Variants in MYO16 observed in about 807,000 individuals in gnomAD.
MYO16 encodes the protein unconventional myosin-XVI.
Under a neutral mutation model 205.3 loss-of-function variants are expected in MYO16, and 94 were observed. That is an observed-to-expected ratio of 0.46 (90% confidence interval 0.39 to 0.54). The LOEUF is 0.54. Among genes scored for constraint, MYO16 ranks in the 20% least tolerant of loss-of-function variants. The probability of loss-of-function intolerance (pLI) is 0.00; values close to 1 mark genes in which losing one functional copy is unlikely to be tolerated. For missense variants in MYO16, 2,315 were observed against 2,387.5 expected (o/e 0.97, Z 0.63); for synonymous variants, 988 against 954.0 (o/e 1.04, Z -0.66).
chr13:109,192,987 C>A (rs1046425598), intron 34 of MYO16, among the ~76,000 whole-genome samples: 2 of 152,036 alleles, frequency 1.3e-5, no homozygotes, highest in African/African-American at 4.8e-5. Flanking sequence ...TTAAGATAGC[C>A]AAAATCATGC....
chr13:108,510,451 A>C, the MYO16 span, among the ~76,000 whole-genome samples: 2 of 80,926 alleles, frequency 2.5e-5, no homozygotes, highest in African/African-American at 5.2e-5. Context: ...TATATTTAAC[A>C]TTGATAGCTG....
chr13:108,609,466 G>A (rs1467344226), intron 1 of MYO16, among the ~76,000 whole-genome samples: 2 of 152,116 alleles, frequency 1.3e-5, no homozygotes, highest in South Asian at 2.1e-4. Context: ...CCCCAAACAG[G>A]TGCTCAATGC....
At chr13:109,088,874 C>A (rs1343233091) in intron 27 of MYO16, among the ~76,000 whole-genome samples, 1 of 152,228 alleles carries the variant, frequency 6.6e-6, no homozygotes, top group South Asian at 2.1e-4. Context: ...CCCGCAACCG[C>A]TCAGGAGGGC....
intron 1 of MYO16, among the ~76,000 whole-genome samples, chr13:108,601,733 G>A (rs1455898573): frequency 6.6e-6 from 1 of 152,040 alleles, no homozygotes; most frequent in Non-Finnish European, 1.5e-5. Context: ...TCTAGTCCTT[G>A]TATTTAGAAT....
the MYO16 span, among the ~76,000 whole-genome samples, chr13:108,541,258 A>G: frequency 2.0e-5 from 3 of 151,882 alleles, no homozygotes; most frequent in South Asian, 2.1e-4. Context: ...TATAACTTAT[A>G]TATTACATTA....
intron 1 of MYO16, among the ~76,000 whole-genome samples, chr13:108,630,986 G>A (rs1475802258): frequency 1.3e-5 from 2 of 152,138 alleles, no homozygotes; most frequent in East Asian, 3.9e-4. Context: ...AGGATTCACT[G>A]GTCATCTCGT....
intron 31 of MYO16, among the ~76,000 whole-genome samples, chr13:109,131,572 G>A (rs549356071): frequency 2.6e-5 from 4 of 152,222 alleles, no homozygotes; most frequent in East Asian, 1.9e-4. Flanking sequence ...TGTGCACAAC[G>A]TGCAGGTTTG....
intron 31 of MYO16, among the ~76,000 whole-genome samples, chr13:109,128,778 T>G (rs1486288243): frequency 6.7e-6 from 1 of 150,086 alleles, no homozygotes; most frequent in Non-Finnish European, 1.5e-5. Context: ...GTTTTTTTTT[T>G]TTTTTTTTTT....
At chr13:108,726,560 A>AC (rs1246963620) in intron 3 of MYO16, among the ~76,000 whole-genome samples, 1 of 56,988 alleles carries the variant, frequency 1.8e-5, no homozygotes, top group Non-Finnish European at 3.6e-5. Context: ...TCTGTTTCAA[A>AC]AAAAAAAAAA....
chr13:108,823,310 A>G (rs1319085805), intron 9 of MYO16, 32 bp downstream of exon 9: 1 of 1,572,750 alleles, frequency 6.4e-7, no homozygotes, highest in East Asian at 2.2e-5. Context: ...CTCTTTTGCC[A>G]TCTTCTCTAC....
the MYO16 span, among the ~76,000 whole-genome samples, chr13:108,533,871 A>G: frequency 1.1e-4 from 17 of 152,328 alleles, no homozygotes; most frequent in Admixed American, 1.1e-3. Context: ...TTGAACATAT[A>G]TAGCACCCTG....
intron 31 of MYO16, among the ~76,000 whole-genome samples, chr13:109,128,918 C>T (rs1876398769): frequency 6.6e-6 from 1 of 151,820 alleles, no homozygotes; most frequent in African/African-American, 2.4e-5. Flanking sequence ...ACTACAGGTG[C>T]CTGCCACCAC....
intron 27 of MYO16, among the ~76,000 whole-genome samples, chr13:109,072,858 T>C (rs9301348): frequency 0.57 from 86,073 of 152,042 alleles, 24,537 homozygotes; most frequent in Non-Finnish European, 0.6. Context: ...CATTCCTCAC[T>C]CCTTTGTCTT....
chr13:109,051,139 A>G (rs528353068), intron 24 of MYO16, among the ~76,000 whole-genome samples: 3 of 152,294 alleles, frequency 2.0e-5, no homozygotes, highest in South Asian at 2.1e-4. Flanking sequence ...ATTAAGAATC[A>G]TGGATTTCTC....
intron 22 of MYO16, among the ~76,000 whole-genome samples, chr13:109,012,378 G>A (rs1028863827): frequency 7.2e-5 from 11 of 152,136 alleles, no homozygotes; most frequent in Non-Finnish European, 5.9e-5. Flanking sequence ...TCCAGCTCCT[G>A]TCAAATCAGT....
At chr13:108,760,164 C>A (rs1283388712) in intron 4 of MYO16, among the ~76,000 whole-genome samples, 1 of 152,218 alleles carries the variant, frequency 6.6e-6, no homozygotes, top group Non-Finnish European at 1.5e-5. Context: ...TGTACTCCTT[C>A]TACCTAACTG....
chr13:109,057,610 A>G lies in MYO16; in HGVS notation c.3335+2015A>G, dbSNP rs553812543. On this transcript the variant is annotated intron_variant, in intron 27 of 34. Transcript: ENST00000457511. ...CTGGTCCCTCGGTGGATATCCCTTC[A>G]TAGTCTTCAGAGATGCCGAACCTGT... 2.6e-5 allele frequency among the ~76,000 whole-genome samples: 4 copies of G among 152,166 alleles called. No individual in the cohort carries two copies. The South Asian group carries it at 8.3e-4, about 32-fold the overall frequency.
chr13:108,921,808 G>C (rs1004567383), intron 16 of MYO16, among the ~76,000 whole-genome samples: 2 of 152,178 alleles, frequency 1.3e-5, no homozygotes, highest in African/African-American at 4.8e-5. Flanking sequence ...CTGGCTGGGG[G>C]GTTTGGGAAA....
intron 23 of MYO16, among the ~76,000 whole-genome samples, chr13:109,021,391 C>G (rs985580937): frequency 1.3e-5 from 2 of 152,132 alleles, no homozygotes; most frequent in Non-Finnish European, 2.9e-5. Flanking sequence ...CCCTAGCACT[C>G]AACATCAAAG....
Sources: allele counts gnomAD v4.1 joint callset (sites outside exome capture counted in the v4.1 genomes callset), GRCh38; gene constraint gnomAD v4.1.1; transcripts MANE v1.5; gene names NCBI Gene and HGNC (gene_info 2026-07-23, HGNC 2026-07-21).